NXPE2: variants seen among roughly 807,000 people sequenced by gnomAD.
NXPE2 encodes neurexophilin and PC-esterase domain family member 2.
NXPE2 carries 34 observed loss-of-function variants against 34.4 expected under a neutral mutation model. That is an observed-to-expected ratio of 0.99 (90% confidence interval 0.75 to 1.31). The LOEUF (loss-of-function observed/expected upper bound fraction) is 1.31, where lower values mean the gene tolerates loss of function less well. Ranked by LOEUF, NXPE2 falls within the 40% of genes most tolerant of loss-of-function variation. The pLI is 0.00. For missense variants in NXPE2, 649 were observed against 672.5 expected (o/e 0.97, Z 0.39); for synonymous variants, 235 against 231.3 (o/e 1.02, Z -0.15).
At chr11:114,594,666 T>A in the NXPE2 span, 1 of 1,585,572 alleles carries the variant, frequency 6.3e-7, no homozygotes, top group South Asian at 1.1e-5. Context: ...TTTCCTACCT[T>A]TGTGGAGTTC....
the NXPE2 span, among the ~76,000 whole-genome samples, chr11:114,770,190 T>C: frequency 2.8e-4 from 42 of 152,326 alleles, no homozygotes; most frequent in Non-Finnish European, 5.1e-4. Context: ...TAAACTCTAC[T>C]TTCCTCTGAA....
chr11:114,628,965 A>G, the NXPE2 span, among the ~76,000 whole-genome samples: 3 of 152,214 alleles, frequency 2.0e-5, no homozygotes, highest in Admixed American at 2.0e-4. Flanking sequence ...TCCCAAGACT[A>G]AACAAGGAAG....
At chr11:114,630,847 T>C in the NXPE2 span, among the ~76,000 whole-genome samples, 2 of 151,388 alleles carry the variant, frequency 1.3e-5, no homozygotes, top group African/African-American at 4.9e-5. Flanking sequence ...AACAACCCCA[T>C]CAAAAAGTGG....
the NXPE2 span, among the ~76,000 whole-genome samples, chr11:114,573,184 C>G: frequency 5.9e-5 from 9 of 152,060 alleles, no homozygotes; most frequent in Non-Finnish European, 8.8e-5. Context: ...CCAGCAAGCA[C>G]TACAATAACT....
the NXPE2 span, among the ~76,000 whole-genome samples, chr11:114,575,888 G>C: frequency 6.6e-6 from 1 of 152,076 alleles, no homozygotes; most frequent in African/African-American, 2.4e-5. Context: ...AGCCCACATA[G>C]ACAAAGTAAG....
the NXPE2 span, chr11:114,521,856 T>G: frequency 8.4e-6 from 7 of 829,352 alleles, no homozygotes; most frequent in Non-Finnish European, 1.3e-5. Context: ...CCCAAACAGA[T>G]TCTTTTAAAT....
the NXPE2 span, chr11:114,522,042 C>T: frequency 6.2e-7 from 1 of 1,613,844 alleles, no homozygotes; most frequent in Non-Finnish European, 8.5e-7. Flanking sequence ...GTGTCAGTGC[C>T]ATATGCAATG....
At chr11:114,506,834 G>A in the NXPE2 span, among the ~76,000 whole-genome samples, 1 of 151,908 alleles carries the variant, frequency 6.6e-6, no homozygotes, top group Non-Finnish European at 1.5e-5. Flanking sequence ...TAGAGAACCA[G>A]AAGCAAACAA....
At chr11:114,537,605 G>A in the NXPE2 span, among the ~76,000 whole-genome samples, 1 of 152,138 alleles carries the variant, frequency 6.6e-6, no homozygotes, top group East Asian at 1.9e-4. Context: ...AAATCAATGT[G>A]CAAAAATCAC....
the NXPE2 span, among the ~76,000 whole-genome samples, chr11:114,768,639 T>C: frequency 2.6e-4 from 39 of 152,170 alleles, no homozygotes; most frequent in African/African-American, 9.2e-4. Flanking sequence ...CCCTTGTAAG[T>C]TGTATTCCTA....
chr11:114,739,505 G>T, the NXPE2 span, among the ~76,000 whole-genome samples: 1 of 151,214 alleles, frequency 6.6e-6, no homozygotes, highest in Non-Finnish European at 1.5e-5. Flanking sequence ...TATATTTAAG[G>T]TATACAATGT....
chr11:114,570,977 G>A, the NXPE2 span: 21 of 1,608,636 alleles, frequency 1.3e-5, no homozygotes, highest in East Asian at 2.2e-5. Flanking sequence ...TCTGATTTCC[G>A]ACTACATGTT....
At chr11:114,596,299 T>C in the NXPE2 span, among the ~76,000 whole-genome samples, 1 of 152,210 alleles carries the variant, frequency 6.6e-6, no homozygotes, top group Non-Finnish European at 1.5e-5. Context: ...GGGATTTGTA[T>C]TCTTGATCTG....
chr11:114,466,826 T>C, the NXPE2 span, among the ~76,000 whole-genome samples: 1 of 152,274 alleles, frequency 6.6e-6, no homozygotes, highest in Non-Finnish European at 1.5e-5. Flanking sequence ...TCTTATTTCA[T>C]GTAGAGCAGT....
the NXPE2 span, among the ~76,000 whole-genome samples, chr11:114,665,220 T>C: frequency 3.4e-3 from 515 of 152,230 alleles, no homozygotes; most frequent in Non-Finnish European, 6.3e-3. Context: ...TTAAGATAAA[T>C]TCAAAAAATG....
chr11:114,777,122 T>C, the NXPE2 span, among the ~76,000 whole-genome samples: 1 of 152,220 alleles, frequency 6.6e-6, no homozygotes, highest in African/African-American at 2.4e-5. Context: ...TTGCTTCTTA[T>C]CGCAGCAACC....
At chr11:114,697,976 A>G in intron 2 of NXPE2, 69 bp from the exon 3 acceptor site, 2 of 1,327,272 alleles carry the variant, frequency 1.5e-6, no homozygotes, top group Non-Finnish European at 9.9e-7. Flanking sequence ...ATAAGCCATA[A>G]TAATTTATAT....
downstream of NXPE2, among the ~76,000 whole-genome samples, chr11:114,711,795 A>T (rs1026259100): frequency 1.3e-4 from 20 of 152,168 alleles, no homozygotes; most frequent in African/African-American, 4.8e-4. Flanking sequence ...TAGCCTAAAT[A>T]ATATTGAAAG....
chr11:114,477,189 A>C, the NXPE2 span, among the ~76,000 whole-genome samples: 1 of 152,156 alleles, frequency 6.6e-6, no homozygotes. Context: ...CAGAGAGTAG[A>C]ATGGTGGTTG....
Sources: allele counts gnomAD v4.1 joint callset (sites outside exome capture counted in the v4.1 genomes callset), GRCh38; gene constraint gnomAD v4.1.1; transcripts MANE v1.5; gene names NCBI Gene and HGNC (gene_info 2026-07-23, HGNC 2026-07-21).